Variants in CDH12 observed in about 807,000 individuals in gnomAD.
CDH12 encodes the protein cadherin-12.
Under a neutral mutation model 74.1 loss-of-function variants are expected in CDH12, and 41 were observed. The ratio of observed to expected loss-of-function variants is 0.55; its 90% CI spans 0.43 to 0.72. The LOEUF (loss-of-function observed/expected upper bound fraction) is 0.72, where lower values mean the gene tolerates loss of function less well. CDH12 is among the 30% of genes least tolerant of loss of function. The probability of loss-of-function intolerance (pLI) is 0.00; values close to 1 mark genes in which losing one functional copy is unlikely to be tolerated. For synonymous variants in CDH12, 399 were observed against 355.0 expected (o/e 1.12, Z -1.39); for missense variants, 945 against 977.2 (o/e 0.97, Z 0.44).
At chr5:22,003,367 G>T (rs555467393) in intron 5 of CDH12, among the ~76,000 whole-genome samples, 1 of 152,226 alleles carries the variant, frequency 6.6e-6, no homozygotes, top group African/African-American at 2.4e-5. Flanking sequence ...CAACTGAAAT[G>T]ATCTTAAAAG....
intron 1 of CDH12, among the ~76,000 whole-genome samples, chr5:22,555,942 T>C (rs535837074): frequency 4.7e-4 from 72 of 151,942 alleles, no homozygotes; most frequent in Middle Eastern, 3.4e-3. Flanking sequence ...GACACAGATA[T>C]ATTAGATAAA....
At chr5:22,452,672 T>C (rs781227174) in intron 2 of CDH12, among the ~76,000 whole-genome samples, 1 of 151,724 alleles carries the variant, frequency 6.6e-6, no homozygotes, top group Non-Finnish European at 1.5e-5. Flanking sequence ...TAAGGGTTTT[T>C]TTAGACAGGA....
rs114760498 is a variant in CDH12 at position 21,894,764 on chromosome 5, T to C, written c.527-39974A>G. Reference sequence around the variant, plus strand: ...CAAGGCAGAGTTTATTTATCTTTCATCTGTAAAAGGGGTAACCCTTGGCAA... The same window carrying C: ...CAAGGCAGAGTTTATTTATCTTTCACCTGTAAAAGGGGTAACCCTTGGCAA... On this transcript the variant is annotated intron_variant, in intron 6 of 14. Coordinates refer to ENST00000382254, the MANE Select transcript of CDH12 (RefSeq NM_004061.5). Among the ~76,000 whole-genome samples, 703 of 152,314 alleles carry C rather than the reference T, an allele frequency of 4.6e-3. 6 individuals carry two copies. Among genetic ancestry groups the C allele is most frequent in the African/African-American group, 0.016 (674 of 41,576 alleles).
chr5:22,716,154 CAA>C (rs558712759), intron 1 of CDH12, among the ~76,000 whole-genome samples: 1 of 151,842 alleles, frequency 6.6e-6, no homozygotes, highest in African/African-American at 2.4e-5. Context: ...AACAAACAAA[CAA>C]AAAACATACA....
chr5:22,518,258 T>C lies in CDH12; in HGVS notation c.-522-12894A>G, dbSNP rs188622319. Among the ~76,000 whole-genome samples, 49 of 152,350 alleles carry C rather than the reference T, an allele frequency of 3.2e-4. No homozygotes were observed. The East Asian group carries it at 8.5e-3, about 26-fold the overall frequency. On this transcript the variant is annotated intron_variant, in intron 1 of 14. Transcript: ENST00000382254. ...AGTCCAAGCACCATCTCTTCATCATTTACTGTCAAATGTCTCATTCCTGAA... is the reference window on the plus strand; with the variant it reads ...AGTCCAAGCACCATCTCTTCATCATCTACTGTCAAATGTCTCATTCCTGAA...
chr5:22,145,259 C>T (rs1049229529), intron 4 of CDH12, among the ~76,000 whole-genome samples: 4 of 152,000 alleles, frequency 2.6e-5, no homozygotes, highest in African/African-American at 9.7e-5. Flanking sequence ...TGTGCATGTA[C>T]AATATATAAA....
chr5:22,809,657 A>G (rs374364889), intron 1 of CDH12, among the ~76,000 whole-genome samples: 1 of 152,034 alleles, frequency 6.6e-6, no homozygotes, highest in South Asian at 2.1e-4. Context: ...TTTACCAACA[A>G]GAAAAAATGT....
At chr5:22,626,110 C>T (rs1180073041) in intron 1 of CDH12, among the ~76,000 whole-genome samples, 1 of 152,118 alleles carries the variant, frequency 6.6e-6, no homozygotes, top group Non-Finnish European at 1.5e-5. Flanking sequence ...ACTACCAGTA[C>T]AAGTGCATGC....
intron 3 of CDH12, among the ~76,000 whole-genome samples, chr5:22,342,434 G>A (rs757721028): frequency 3.9e-5 from 6 of 151,932 alleles, no homozygotes; most frequent in Non-Finnish European, 7.4e-5. Flanking sequence ...AACAAGCCCC[G>A]CAGTATTCAG....
At chr5:21,911,091 C>T (rs1436176349) in intron 6 of CDH12, among the ~76,000 whole-genome samples, 1 of 152,144 alleles carries the variant, frequency 6.6e-6, no homozygotes, top group Non-Finnish European at 1.5e-5. Context: ...GGTCTGTCTT[C>T]CCCAATGAAA....
intron 8 of CDH12, among the ~76,000 whole-genome samples, chr5:21,829,656 G>A (rs932422286): frequency 3.9e-5 from 6 of 152,126 alleles, no homozygotes; most frequent in Non-Finnish European, 8.8e-5. Flanking sequence ...ATAGAGAAAT[G>A]TAAACCATGT....
At chr5:21,765,521 C>A (rs1744972425) in intron 11 of CDH12, among the ~76,000 whole-genome samples, 1 of 148,882 alleles carries the variant, frequency 6.7e-6, no homozygotes, top group Admixed American at 6.7e-5. Context: ...GGAGATTCCT[C>A]CTGAAAAGAA....
At chr5:22,563,926 T>A (rs1739177541) in intron 1 of CDH12, among the ~76,000 whole-genome samples, 1 of 152,136 alleles carries the variant, frequency 6.6e-6, no homozygotes, top group African/African-American at 2.4e-5. Flanking sequence ...ACCCCCATGA[T>A]TCAAGCATCT....
Position 22,558,816 on chromosome 5 carries a change from A to C in CDH12, c.-522-53452T>G, listed in dbSNP as rs539206473. On this transcript the variant is annotated intron_variant, in intron 1 of 14. Coordinates refer to ENST00000382254, the MANE Select transcript of CDH12 (RefSeq NM_004061.5). ...TGAAGGATGCTTCCCTTATTTTATA[A>C]AATGGCAATGGAAACAATGTGCTTT... is the stretch of plus-strand genomic sequence containing the variant. Among the ~76,000 whole-genome samples, 7 of 152,264 alleles carry C rather than the reference A, an allele frequency of 4.6e-5. No homozygotes were observed. In the East Asian group the frequency reaches 1.3e-3, roughly 29 times the overall value.
chr5:22,531,956 G>T (rs1051321058), intron 1 of CDH12, among the ~76,000 whole-genome samples: 1 of 152,136 alleles, frequency 6.6e-6, no homozygotes, highest in African/African-American at 2.4e-5. Context: ...TCACCAGGCA[G>T]GGCTGAAGGC....
At chr5:22,357,046 T>C (rs889014030) in intron 3 of CDH12, among the ~76,000 whole-genome samples, 2 of 152,120 alleles carry the variant, frequency 1.3e-5, no homozygotes, top group South Asian at 2.1e-4. Flanking sequence ...TAGCAATTTA[T>C]CTATCTATCT....
intron 1 of CDH12, among the ~76,000 whole-genome samples, chr5:22,788,559 A>G (rs1246971676): frequency 6.7e-6 from 1 of 148,420 alleles, no homozygotes; most frequent in Non-Finnish European, 1.5e-5. Flanking sequence ...GTGGCATTTC[A>G]AGTACTCTTG....
intron 1 of CDH12, among the ~76,000 whole-genome samples, chr5:22,553,585 TG>T (rs1483400906): frequency 1.3e-5 from 2 of 152,062 alleles, no homozygotes; most frequent in African/African-American, 4.8e-5. Flanking sequence ...AAGATCTATA[TG>T]AAAAAAAACT....
chr5:21,805,816 A>G (rs1341710022), intron 9 of CDH12, among the ~76,000 whole-genome samples: 1 of 152,220 alleles, frequency 6.6e-6, no homozygotes, highest in Middle Eastern at 3.2e-3. Context: ...ATCATATTCT[A>G]TGATAGACAT....
Sources: gnomAD v4.1 joint callset for allele counts (sites outside exome capture counted in the v4.1 genomes callset) on GRCh38, gnomAD v4.1.1 for gene constraint, MANE v1.5 for transcripts, NCBI Gene and HGNC (gene_info 2026-07-23, HGNC 2026-07-21) for gene names.